Variants in CNTNAP2 observed in about 807,000 individuals in gnomAD.
CNTNAP2 encodes contactin-associated protein-like 2.
In CNTNAP2, 98 loss-of-function variants were observed where a neutral mutation model predicts 155.2. That is an observed-to-expected ratio of 0.63 (90% CI 0.54 to 0.75). CNTNAP2 has a LOEUF of 0.75. Among genes scored for constraint, CNTNAP2 ranks in the 30% least tolerant of loss-of-function variants. The probability of loss-of-function intolerance (pLI) is 0.00; values close to 1 mark genes in which losing one functional copy is unlikely to be tolerated. For synonymous variants in CNTNAP2, 651 were observed against 631.2 expected (o/e 1.03, Z -0.47); for missense variants, 1,727 against 1,688.1 (o/e 1.02, Z -0.40).
intron 13 of CNTNAP2, among the ~76,000 whole-genome samples, chr7:147,760,135 T>A (rs1366963849): frequency 3.3e-5 from 5 of 152,078 alleles, no homozygotes; most frequent in Admixed American, 2.6e-4. Flanking sequence ...TGACCTTTTT[T>A]AAAAATGTGT....
At chr7:146,181,663 A>T (rs560972583) in intron 1 of CNTNAP2, among the ~76,000 whole-genome samples, 1 of 152,244 alleles carries the variant, frequency 6.6e-6, no homozygotes, top group East Asian at 1.9e-4. Context: ...ATTATATGGA[A>T]TTTTGCTGTA....
chr7:148,254,804 T>C (rs963656929), intron 20 of CNTNAP2, among the ~76,000 whole-genome samples: 1 of 149,700 alleles, frequency 6.7e-6, no homozygotes, highest in Non-Finnish European at 1.5e-5. Flanking sequence ...AACTTAACCA[T>C]AACATTATAC....
At chr7:146,558,516 A>G (rs954635764) in intron 1 of CNTNAP2, among the ~76,000 whole-genome samples, 2 of 152,142 alleles carry the variant, frequency 1.3e-5, no homozygotes, top group African/African-American at 4.8e-5. Flanking sequence ...TGAAGCCATC[A>G]CCACAATCTG....
At chr7:147,665,037 A>T (rs563113718) in intron 13 of CNTNAP2, among the ~76,000 whole-genome samples, 1 of 152,164 alleles carries the variant, frequency 6.6e-6, no homozygotes, top group Non-Finnish European at 1.5e-5. Flanking sequence ...TGTAGATGCA[A>T]AGTTTGATTG....
intron 13 of CNTNAP2, among the ~76,000 whole-genome samples, chr7:147,709,639 G>C (rs1796373690): frequency 6.6e-6 from 1 of 152,106 alleles, no homozygotes; most frequent in Admixed American, 6.6e-5. Flanking sequence ...CTGGGCGTTT[G>C]ATACATACCG....
At chr7:146,654,822 G>A (rs1248676010) in intron 1 of CNTNAP2, among the ~76,000 whole-genome samples, 6 of 152,064 alleles carry the variant, frequency 3.9e-5, no homozygotes, top group Non-Finnish European at 7.4e-5. Flanking sequence ...GAGTTCTGAA[G>A]TAAGTTTTAG....
chr7:147,953,845 T>C (rs66494917), intron 14 of CNTNAP2, among the ~76,000 whole-genome samples: 70,776 of 151,964 alleles, frequency 0.47, 17,830 homozygotes, highest in Middle Eastern at 0.7. Flanking sequence ...CTCTCTGTGT[T>C]TTCTGTGTCC....
intron 12 of CNTNAP2, among the ~76,000 whole-genome samples, chr7:147,633,757 C>G (rs148786087): frequency 2.0e-4 from 30 of 152,194 alleles, no homozygotes; most frequent in Admixed American, 1.6e-3. Context: ...TTCTCTCTCC[C>G]GCCACCCTGT....
At chr7:146,985,519 A>G (rs1275911112) in intron 3 of CNTNAP2, among the ~76,000 whole-genome samples, 2 of 151,790 alleles carry the variant, frequency 1.3e-5, no homozygotes, top group Non-Finnish European at 2.9e-5. Flanking sequence ...ACGGAGTTTC[A>G]CCATGTTAGC....
chr7:147,147,918 GA>G lies in CNTNAP2; in HGVS notation c.1348+15410del, dbSNP rs543017467. On this transcript the variant is annotated intron_variant, in intron 8 of 23. Transcript: ENST00000361727. ...TCCATGACTATCATCTCATCTCTGT[GA>G]TTTTATTCATACGTGAATATTGCAA... Among the ~76,000 whole-genome samples, 565 of 152,188 alleles carry G rather than the reference GA, an allele frequency of 3.7e-3. 5 individuals are homozygous for G. The highest frequency in any genetic ancestry group is 0.013 in the African/African-American group (537 of 41,534).
chr7:146,900,394 A>T (rs1246819567), intron 3 of CNTNAP2, among the ~76,000 whole-genome samples: 1 of 152,194 alleles, frequency 6.6e-6, no homozygotes, highest in Non-Finnish European at 1.5e-5. Flanking sequence ...ACCATCTGCA[A>T]GTCAATTCAT....
At chr7:148,227,991 G>A (rs1467628017) in intron 19 of CNTNAP2, among the ~76,000 whole-genome samples, 8 of 150,650 alleles carry the variant, frequency 5.3e-5, no homozygotes, top group Admixed American at 5.3e-4. Context: ...TTGGGTGGTG[G>A]GATTTCAGGT....
chr7:146,914,901 G>A (rs1796364262), intron 3 of CNTNAP2, among the ~76,000 whole-genome samples: 1 of 151,940 alleles, frequency 6.6e-6, no homozygotes, highest in South Asian at 2.1e-4. Context: ...CTACACCAAG[G>A]TCTAGAAGGG....
intron 1 of CNTNAP2, among the ~76,000 whole-genome samples, chr7:146,731,477 T>A (rs1379464959): frequency 6.6e-6 from 1 of 152,162 alleles, no homozygotes; most frequent in African/African-American, 2.4e-5. Context: ...ATTTCAATGT[T>A]TAATGAACAT....
intron 16 of CNTNAP2, among the ~76,000 whole-genome samples, chr7:148,127,253 C>A (rs1464068480): frequency 6.6e-6 from 1 of 152,144 alleles, no homozygotes; most frequent in South Asian, 2.1e-4. Flanking sequence ...TGTACCACTG[C>A]ACTCCAGCCC....
intron 8 of CNTNAP2, among the ~76,000 whole-genome samples, chr7:147,212,354 A>G (rs1054899818): frequency 1.2e-4 from 19 of 152,192 alleles, no homozygotes; most frequent in Non-Finnish European, 2.1e-4. Context: ...GTACCCATCA[A>G]TGGTGCATTG....
At position 146,896,429 on chromosome 7, in the gene CNTNAP2, G is replaced by A. The variant is rs150582849; in HGVS notation, c.402+56525G>A. On this transcript the variant is annotated intron_variant, in intron 3 of 23. Coordinates refer to ENST00000361727, the MANE Select transcript of CNTNAP2 (RefSeq NM_014141.6). Reference sequence around the variant, plus strand: ...GTGTACATTTTTTTTTCTGTTCCCCGTAGTATCTTGTGAATATCTACCTCT... The same window carrying A: ...GTGTACATTTTTTTTTCTGTTCCCCATAGTATCTTGTGAATATCTACCTCT... Among the ~76,000 whole-genome samples, 1,082 of 151,782 alleles carry A rather than the reference G, an allele frequency of 7.1e-3. 9 individuals are homozygous for A. The highest frequency in any genetic ancestry group is 0.024 in the African/African-American group (1,012 of 41,388).
intron 10 of CNTNAP2, among the ~76,000 whole-genome samples, chr7:147,418,693 T>C (rs1294270537): frequency 6.6e-6 from 1 of 152,236 alleles, no homozygotes; most frequent in African/African-American, 2.4e-5. Context: ...TTTCAAACAA[T>C]TGACTGGCAA....
intron 16 of CNTNAP2, among the ~76,000 whole-genome samples, chr7:148,126,773 C>T (rs1215788786): frequency 1.3e-5 from 2 of 151,996 alleles, no homozygotes; most frequent in Non-Finnish European, 2.9e-5. Context: ...CACAGGTGGA[C>T]GCGAAGCCGT....
Sources: allele counts gnomAD v4.1 joint callset (sites outside exome capture counted in the v4.1 genomes callset), GRCh38; gene constraint gnomAD v4.1.1; transcripts MANE v1.5; gene names NCBI Gene and HGNC (gene_info 2026-07-23, HGNC 2026-07-21).